The following ST8SIA1 variants were observed in gnomAD, a reference collection of about 807,000 sequenced individuals.
The protein encoded by ST8SIA1 is alpha-N-acetylneuraminide alpha-2,8-sialyltransferase.
ST8SIA1 carries 16 observed loss-of-function variants against 35.9 expected under a neutral mutation model. The observed-to-expected ratio is 0.45, with a 90% CI of 0.30 to 0.68. The LOEUF (loss-of-function observed/expected upper bound fraction) is 0.68, where lower values mean the gene tolerates loss of function less well. Among genes scored for constraint, ST8SIA1 ranks in the 30% least tolerant of loss-of-function variants. The pLI is 0.09. For synonymous variants in ST8SIA1, 170 were observed against 169.6 expected (o/e 1.00, Z -0.02); for missense variants, 383 against 453.6 (o/e 0.84, Z 1.41).
rs1267298691 is a variant in ST8SIA1 at position 22,287,420 on chromosome 12, C to T, written c.237-127G>A. On this transcript the variant is annotated intron_variant, in intron 1 of 4. Transcript: ENST00000396037. ...CCAGCTCACAGAAGCATAGCATCTC[C>T]AGGGTGATTAGACTACTATTAATTC... 3.5e-6 allele frequency: 3 copies of T among 862,978 alleles called. No homozygotes were observed. The Admixed American group carries it at 8.6e-5, about 25-fold the overall frequency. The allele number at this position is 862,978 out of a possible 1,614,324, so 53.5% of individuals were successfully genotyped here.
Position 22,199,082 on chromosome 12 carries a change from A to T in ST8SIA1, c.*2470T>A, listed in dbSNP as rs1284126625. The T allele has an allele frequency of 6.6e-6, 1 of 152,102 alleles. No homozygotes were observed. Among genetic ancestry groups the T allele is most frequent in the African/African-American group, 2.4e-5 (1 of 41,410 alleles). The allele number at this position is 152,102 out of a possible 1,614,324, so 9.4% of individuals were successfully genotyped here. On this transcript the variant is annotated 3_prime_UTR_variant, in exon 5 of 5. Transcript: ENST00000396037. ...TTTGTAAACTAAACATTATATATAA[A>T]TCTACTGCATAAATCTATCCCAGGC... is the stretch of plus-strand genomic sequence containing the variant.
chr12:22,230,510 C>T (rs993739148), intron 4 of ST8SIA1, among the ~76,000 whole-genome samples: 2 of 152,092 alleles, frequency 1.3e-5, no homozygotes, highest in East Asian at 1.9e-4. Context: ...TCCAATCCCC[C>T]GTCTAAAATC....
At chr12:22,274,125 C>T (rs1178001393) in intron 2 of ST8SIA1, among the ~76,000 whole-genome samples, 1 of 152,114 alleles carries the variant, frequency 6.6e-6, no homozygotes, top group East Asian at 1.9e-4. Flanking sequence ...TGAAAGAAGG[C>T]CAGTAAAGCA....
At chr12:22,292,125 A>G (rs756679590) in intron 1 of ST8SIA1, among the ~76,000 whole-genome samples, 11 of 119,032 alleles carry the variant, frequency 9.2e-5, no homozygotes, top group Non-Finnish European at 2.3e-4. Context: ...ATTTTCAAGG[A>G]AAAAAAAATG....
intron 4 of ST8SIA1, among the ~76,000 whole-genome samples, chr12:22,222,044 G>T (rs1865306440): frequency 6.6e-6 from 1 of 151,844 alleles, no homozygotes; most frequent in Non-Finnish European, 1.5e-5. Flanking sequence ...TCTTATAATT[G>T]CAATGTATTA....
chr12:22,221,184 C>T (rs1030410493), intron 4 of ST8SIA1, among the ~76,000 whole-genome samples: 19 of 151,942 alleles, frequency 1.3e-4, no homozygotes, highest in African/African-American at 3.9e-4. Flanking sequence ...ACCAGCAATA[C>T]CACTACCCTA....
At chr12:22,227,237 C>T (rs1359618449) in intron 4 of ST8SIA1, among the ~76,000 whole-genome samples, 1 of 152,120 alleles carries the variant, frequency 6.6e-6, no homozygotes, top group East Asian at 2.0e-4. Context: ...AGCCACCACA[C>T]CTGACCTTTC....
chr12:22,288,608 T>C lies in ST8SIA1; in HGVS notation c.237-1315A>G, dbSNP rs965600677. On this transcript the variant is annotated intron_variant, in intron 1 of 4. Transcript: ENST00000396037. Reference sequence around the variant, plus strand: ...CTTCCTGCCACACTGTGCCTCCCCTTGCACTCTCTGAGATCTTCGTTGGCT... The same window carrying C: ...CTTCCTGCCACACTGTGCCTCCCCTCGCACTCTCTGAGATCTTCGTTGGCT... 6.6e-5 allele frequency among the ~76,000 whole-genome samples: 10 copies of C among 152,152 alleles called. No homozygotes were observed. The South Asian group carries it at 1.9e-3, about 28-fold the overall frequency.
Position 22,334,594 on chromosome 12 carries a change from C to T in ST8SIA1, c.-362G>A, listed in dbSNP as rs946411046. 2.9e-5 allele frequency: 9 copies of T among 309,400 alleles called. No homozygotes were observed. The Admixed American group carries it at 3.8e-4, about 13-fold the overall frequency. 19.2% of individuals were successfully genotyped at this position (309,400 alleles called of 1,614,324 possible). On this transcript the variant is annotated 5_prime_UTR_variant, in exon 1 of 5. Transcript: ENST00000396037. ...ATCACGGTCGCCCTCGGCGAGGGTC[C>T]GGGAGAAGGCTCGGCTCCCTCCTAA...
chr12:22,321,007 A>AAAGAAAG (rs1866590568), intron 1 of ST8SIA1, among the ~76,000 whole-genome samples: 1 of 78,950 alleles, frequency 1.3e-5, no homozygotes, highest in Non-Finnish European at 2.8e-5. Flanking sequence ...AAGAAAGAAG[A>AAAGAAAG]AAGAAAGAAA....
At chr12:22,309,345 G>C (rs548746260) in intron 1 of ST8SIA1, among the ~76,000 whole-genome samples, 1 of 152,164 alleles carries the variant, frequency 6.6e-6, no homozygotes, top group Non-Finnish European at 1.5e-5. Context: ...TGCCTGATGA[G>C]ACACCACCGA....
intron 2 of ST8SIA1, among the ~76,000 whole-genome samples, chr12:22,286,781 T>C (rs545873145): frequency 6.6e-6 from 1 of 152,304 alleles, no homozygotes; most frequent in East Asian, 1.9e-4. Flanking sequence ...CCCCACTCCC[T>C]GAGCAACATC....
intron 1 of ST8SIA1, chr12:22,325,659 G>C: frequency 1.6e-6 from 1 of 613,934 alleles, no homozygotes; most frequent in Non-Finnish European, 2.9e-6. Context: ...ACTTCAGATG[G>C]TACCAAGCCC....
At chr12:22,332,682 G>A (rs1447348606) in intron 1 of ST8SIA1, among the ~76,000 whole-genome samples, 2 of 152,180 alleles carry the variant, frequency 1.3e-5, no homozygotes, top group Non-Finnish European at 2.9e-5. Context: ...CAAGGAGAAT[G>A]CAGTTGCCTT....
intron 2 of ST8SIA1, among the ~76,000 whole-genome samples, chr12:22,280,871 T>C (rs868677280): frequency 9.8e-5 from 15 of 152,368 alleles, no homozygotes; most frequent in South Asian, 2.1e-4. Context: ...ATTGTTCAGA[T>C]CACAATCTTA....
rs1277586285 is a variant in ST8SIA1 at position 22,197,985 on chromosome 12, T to C, written c.*3567A>G. ...TATACAAAGCATATGTGTCTGTGAGTCATTGTCCATATAAAAATCTTTCAT... is the reference window on the plus strand; with the variant it reads ...TATACAAAGCATATGTGTCTGTGAGCCATTGTCCATATAAAAATCTTTCAT... On this transcript the variant is annotated 3_prime_UTR_variant, in exon 5 of 5. Transcript: ENST00000396037. 6.6e-6 allele frequency: 1 copy of C among 152,196 alleles called. No homozygotes were observed. The highest frequency in any genetic ancestry group is 1.5e-5 in the Non-Finnish European group (1 of 68,038). 9.4% of individuals were successfully genotyped at this position (152,196 alleles called of 1,614,324 possible). A position where few individuals can be genotyped will look rare whatever the true frequency, so the allele number is the denominator to read the frequency against.
chr12:22,252,171 A>T (rs1865678549), intron 3 of ST8SIA1, among the ~76,000 whole-genome samples: 1 of 152,180 alleles, frequency 6.6e-6, no homozygotes, highest in African/African-American at 2.4e-5. Context: ...AAAATTATGA[A>T]ATTATTATAT....
At chr12:22,306,654 A>T (rs181981708) in intron 1 of ST8SIA1, among the ~76,000 whole-genome samples, 7 of 152,292 alleles carry the variant, frequency 4.6e-5, no homozygotes, top group African/African-American at 1.7e-4. Flanking sequence ...TAACTTAAGG[A>T]TTCTGAAATG....
At chr12:22,244,092 A>C in intron 4 of ST8SIA1, among the ~76,000 whole-genome samples, 1 of 152,148 alleles carries the variant, frequency 6.6e-6, no homozygotes, top group East Asian at 1.9e-4. Flanking sequence ...TTTTATATAG[A>C]ACTTACACTC....
Sources: allele counts gnomAD v4.1 joint callset (sites outside exome capture counted in the v4.1 genomes callset), GRCh38; gene constraint gnomAD v4.1.1; transcripts MANE v1.5; gene names NCBI Gene and HGNC (gene_info 2026-07-23, HGNC 2026-07-21).